Variants in STYXL1 observed in about 807,000 individuals in gnomAD.
The protein encoded by STYXL1 is serine/threonine/tyrosine-interacting-like protein 1.
Under a neutral mutation model 36.4 loss-of-function variants are expected in STYXL1, and 32 were observed. That is an observed-to-expected ratio of 0.88 (90% CI 0.66 to 1.18). The LOEUF is 1.18. STYXL1 is among the 50% of genes most tolerant of loss of function. The pLI, the probability that STYXL1 is intolerant of heterozygous loss-of-function variation, is 0.00. For synonymous variants in STYXL1, 133 were observed against 144.1 expected (o/e 0.92, Z 0.55); for missense variants, 354 against 394.1 (o/e 0.90, Z 0.86).
At chr7:76,045,823 C>G (rs554150516) in intron 1 of STYXL1, 2 of 152,282 alleles carry the variant, frequency 1.3e-5, no homozygotes, top group South Asian at 4.1e-4. Context: ...GTACCTAAAA[C>G]CACTCAACTC....
chr7:76,019,323 G>T (rs1793771937), intron 4 of STYXL1, among the ~76,000 whole-genome samples: 1 of 150,448 alleles, frequency 6.6e-6, no homozygotes, highest in Non-Finnish European at 1.5e-5. Flanking sequence ...TAGAGACAGG[G>T]TCTTACGCTG....
chr7:76,036,795 T>G (rs1302564264), intron 1 of STYXL1, among the ~76,000 whole-genome samples: 6 of 141,266 alleles, frequency 4.2e-5, no homozygotes, highest in Admixed American at 4.2e-4. Flanking sequence ...TTTTTTTTTT[T>G]TTTTTTTGAG....
chr7:76,005,924 G>A (rs1437842913), intron 5 of STYXL1, among the ~76,000 whole-genome samples: 1 of 149,548 alleles, frequency 6.7e-6, no homozygotes, highest in Admixed American at 6.7e-5. Context: ...GAGGAGGAGG[G>A]AGGAGGTGGA....
intron 3 of STYXL1, among the ~76,000 whole-genome samples, chr7:76,028,325 T>G (rs1554578301): frequency 6.6e-6 from 1 of 152,106 alleles, no homozygotes; most frequent in East Asian, 1.9e-4. Flanking sequence ...TGAACCACCA[T>G]GCCCAGCCAA....
At chr7:76,003,414 C>T (rs2116772318) in intron 7 of STYXL1, among the ~76,000 whole-genome samples, 1 of 152,322 alleles carries the variant, frequency 6.6e-6, no homozygotes, top group African/African-American at 2.4e-5. Flanking sequence ...TACTGGTCCC[C>T]AGAGCTCAGC....
intron 1 of STYXL1, among the ~76,000 whole-genome samples, chr7:76,032,258 G>GGT (rs1220298381): frequency 3.3e-5 from 5 of 151,894 alleles, no homozygotes; most frequent in Admixed American, 1.3e-4. Context: ...AAACTAGCCA[G>GGT]GTGTGGTGGC....
chr7:76,001,073 C>G, intron 7 of STYXL1, 71 bp from the exon 8 acceptor site: 1 of 1,229,316 alleles, frequency 8.1e-7, no homozygotes. Context: ...CTGTCAGACA[C>G]TGGCCTCCAT....
chr7:76,018,111 C>T (rs1793622130), intron 4 of STYXL1, among the ~76,000 whole-genome samples: 1 of 151,918 alleles, frequency 6.6e-6, no homozygotes, highest in Non-Finnish European at 1.5e-5. Flanking sequence ...AAGCAATCCT[C>T]CCACCTCAGC....
At position 76,003,849 on chromosome 7, in the gene STYXL1, T is replaced by C. The variant is rs782754274; in HGVS notation, c.606A>G (p.Ala202=). 6.2e-7 allele frequency: 1 copy of C among 1,614,100 alleles called. No individual in the cohort carries two copies. The highest frequency in any genetic ancestry group is 8.5e-7 in the Non-Finnish European group (1 of 1,179,994). ...NVSMDTGPFF[A]GDADKLLHIR... is the part of the protein sequence containing the mutation. Reference sequence around the variant, plus strand: ...TGTGCAGAAGCTTGTCAGCATCGCCTGCAAAACTACACGGAAGGACCACAC... The same window carrying C: ...TGTGCAGAAGCTTGTCAGCATCGCCCGCAAAACTACACGGAAGGACCACAC... Residue 202 remains alanine, a synonymous_variant, in exon 7 of 9, where the codon GCA becomes GCG. Transcript: ENST00000359697.
intron 5 of STYXL1, among the ~76,000 whole-genome samples, chr7:76,006,672 G>A (rs1554570488): frequency 1.3e-5 from 2 of 151,762 alleles, no homozygotes; most frequent in African/African-American, 4.8e-5. Context: ...GCTGAGGCAG[G>A]AGAATGGCAT....
chr7:75,999,511 A>ATATGTGTGTGTGTG (rs1554565620), intron 8 of STYXL1, among the ~76,000 whole-genome samples: 114 of 95,962 alleles, frequency 1.2e-3, no homozygotes, highest in African/African-American at 4.7e-3. Context: ...GTGTGTGTGT[A>ATATGTGTGTGTGTG]TGTGTGTGTG....
rs548595488 is a variant in STYXL1, at chr7:76,035,046, T to C, written c.-4-4519A>G. Among the ~76,000 whole-genome samples, 73 of 131,374 alleles carry C rather than the reference T, an allele frequency of 5.6e-4. 4 individuals are homozygous for C. Among genetic ancestry groups the C allele is most frequent in the African/African-American group, 1.9e-3 (73 of 38,058 alleles). The allele number at this position is 131,374 out of a possible 152,430, so 86.2% of individuals were successfully genotyped here. On this transcript the variant is annotated intron_variant, in intron 1 of 8. Transcript: ENST00000359697. ...TCCAGTACCTGCTCCTCATTTAGCCTTCTCAGTCTCAATCAACAGCACCAT... is the reference window on the plus strand; with the variant it reads ...TCCAGTACCTGCTCCTCATTTAGCCCTCTCAGTCTCAATCAACAGCACCAT...
chr7:76,034,751 C>T (rs782124054), intron 1 of STYXL1, among the ~76,000 whole-genome samples: 14 of 152,168 alleles, frequency 9.2e-5, no homozygotes, highest in Non-Finnish European at 1.8e-4. Context: ...GTACCTCTTC[C>T]CATCACCAGT....
At chr7:76,004,416 T>C (rs968871633) in intron 6 of STYXL1, among the ~76,000 whole-genome samples, 1 of 150,930 alleles carries the variant, frequency 6.6e-6, no homozygotes, top group Non-Finnish European at 1.5e-5. Context: ...TTTAAGTACC[T>C]ATCTTGGCCA....
intron 7 of STYXL1, among the ~76,000 whole-genome samples, chr7:76,003,541 G>A (rs563793290): frequency 2.0e-5 from 3 of 152,202 alleles, no homozygotes; most frequent in African/African-American, 7.2e-5. Context: ...CTGCCCCCGA[G>A]GTAAACACCA....
chr7:76,034,899 G>A (rs1024492649), intron 1 of STYXL1, among the ~76,000 whole-genome samples: 36 of 152,318 alleles, frequency 2.4e-4, no homozygotes, highest in African/African-American at 8.4e-4. Context: ...ACATACCAAT[G>A]ATTCCCAAAT....
intron 5 of STYXL1, among the ~76,000 whole-genome samples, chr7:76,005,861 A>T: frequency 9.3e-6 from 1 of 107,408 alleles, no homozygotes; most frequent in East Asian, 2.6e-4. Context: ...AGGAGGAGAG[A>T]GGAGGAAGAG....
In STYXL1 at chr7:76,001,050, T is replaced by C. The variant is rs538532856; in HGVS notation, c.698-48A>G. On this transcript the variant is annotated intron_variant, in intron 7 of 8. Coordinates refer to ENST00000359697, the MANE Select transcript of STYXL1 (RefSeq NM_001317785.2). ...GGGTCATGCCTGGCCCTCCTCCCTGTGGGCCTGGGTTGCTGTCAGACACTG... is the reference window on the plus strand; with the variant it reads ...GGGTCATGCCTGGCCCTCCTCCCTGCGGGCCTGGGTTGCTGTCAGACACTG... The C allele has an allele frequency of 2.7e-6, 4 of 1,466,784 alleles. No individual in the cohort carries two copies. In the South Asian group the frequency reaches 4.5e-5, roughly 17 times the overall value. 90.9% of individuals were successfully genotyped at this position (1,466,784 alleles called of 1,614,324 possible).
chr7:76,013,862 C>T lies in STYXL1; in HGVS notation c.333G>A (p.Glu111=). ...GKDLVPQAAI[E]YGRILTRLTH... is the part of the protein sequence containing the mutation. ...TGAGGCGGGTCAGGATCCTGCCATA[C>T]TCAATGGCTGCTTGAGGCACAAGAT... Residue 111 remains glutamate, a synonymous_variant, in exon 5 of 9, where the codon GAG becomes GAA. Transcript: ENST00000359697. The T allele has an allele frequency of 1.2e-6, 2 of 1,613,182 alleles. No homozygotes were observed. The highest frequency in any genetic ancestry group is 1.7e-6 in the Non-Finnish European group (2 of 1,179,464).
Sources: gnomAD v4.1 joint callset for allele counts (sites outside exome capture counted in the v4.1 genomes callset) on GRCh38, gnomAD v4.1.1 for gene constraint, MANE v1.5 for transcripts, NCBI Gene and HGNC (gene_info 2026-07-23, HGNC 2026-07-21) for gene names.